Variants in ANK1 observed in about 807,000 individuals in gnomAD.
ANK1 encodes the protein ankyrin-1.
In ANK1, 51 loss-of-function variants were observed where a neutral mutation model predicts 210.4. The ratio of observed to expected loss-of-function variants is 0.24; its 90% CI spans 0.19 to 0.31. The LOEUF is 0.31. Among genes scored for constraint, ANK1 ranks in the 10% least tolerant of loss-of-function variants. The pLI is 1.00. For synonymous variants in ANK1, 967 were observed against 1,025.9 expected (o/e 0.94, Z 1.10); for missense variants, 2,051 against 2,504.4 (o/e 0.82, Z 3.86).
chr8:41,791,818 G>T (rs931537149), intron 1 of ANK1, among the ~76,000 whole-genome samples: 2 of 152,158 alleles, frequency 1.3e-5, no homozygotes, highest in Non-Finnish European at 2.9e-5. Flanking sequence ...CTGGGGGAGG[G>T]CCACAGAGGC....
chr8:41,849,756 C>G (rs1030216043), intron 1 of ANK1, among the ~76,000 whole-genome samples: 1 of 152,212 alleles, frequency 6.6e-6, no homozygotes, highest in South Asian at 2.1e-4. Flanking sequence ...GTCTTTTCTA[C>G]GTGATCTCTC....
intron 38 of ANK1, 55 bp downstream of exon 38, chr8:41,672,299 T>C (rs770613694): frequency 1.1e-4 from 167 of 1,588,118 alleles, no homozygotes; most frequent in Non-Finnish European, 1.3e-4. Flanking sequence ...GGCATAATCT[T>C]ACCCAGGAGC....
At chr8:41,840,483 GAC>G (rs1435805947) in intron 1 of ANK1, 3 of 152,176 alleles carry the variant, frequency 2.0e-5, no homozygotes, top group Non-Finnish European at 4.4e-5. Context: ...TGATGGCTTA[GAC>G]AACAAACCTT....
At chr8:41,673,874 G>A (rs1029966307) in intron 37 of ANK1, among the ~76,000 whole-genome samples, 4 of 152,202 alleles carry the variant, frequency 2.6e-5, no homozygotes, top group East Asian at 1.9e-4. Flanking sequence ...AAGCAAGTAC[G>A]TGCTTACAGC....
intron 1 of ANK1, among the ~76,000 whole-genome samples, chr8:41,890,026 C>T (rs1819122560): frequency 6.6e-6 from 1 of 152,162 alleles, no homozygotes; most frequent in African/African-American, 2.4e-5. Context: ...TGGCCTTCCC[C>T]GGCAAACCTC....
At chr8:41,749,532 G>C (rs1037253814) in intron 2 of ANK1, among the ~76,000 whole-genome samples, 6 of 135,784 alleles carry the variant, frequency 4.4e-5, no homozygotes, top group African/African-American at 1.7e-4. Flanking sequence ...CATGACCTCA[G>C]GTGATCCACC....
At chr8:41,863,590 T>G (rs1383044481) in intron 1 of ANK1, among the ~76,000 whole-genome samples, 2 of 152,206 alleles carry the variant, frequency 1.3e-5, no homozygotes, top group Non-Finnish European at 2.9e-5. Flanking sequence ...TTCTCACTTA[T>G]TAGTAGTATA....
chr8:41,726,869 A>G (rs1175438693), intron 5 of ANK1, among the ~76,000 whole-genome samples: 7 of 152,228 alleles, frequency 4.6e-5, no homozygotes, highest in Non-Finnish European at 1.0e-4. Context: ...ACTCAGGACC[A>G]TAGCTAATGA....
intron 1 of ANK1, among the ~76,000 whole-genome samples, chr8:41,878,609 C>T (rs952976034): frequency 1.3e-5 from 2 of 152,124 alleles, no homozygotes; most frequent in African/African-American, 4.8e-5. Context: ...TTGCATGGCC[C>T]AGGACAAAAT....
chr8:41,677,898 T>C (rs527927045), intron 37 of ANK1, among the ~76,000 whole-genome samples: 2 of 152,172 alleles, frequency 1.3e-5, no homozygotes, highest in East Asian at 3.9e-4. Context: ...CCTTGGCTTG[T>C]GTTGTTTCTA....
chr8:41,669,545 A>G (rs1314442230), intron 38 of ANK1, among the ~76,000 whole-genome samples: 1 of 152,068 alleles, frequency 6.6e-6, no homozygotes, highest in East Asian at 1.9e-4. Flanking sequence ...AGTGCGATCC[A>G]ATCCACACTC....
At chr8:41,820,689 C>CA (rs1371002960) in intron 1 of ANK1, among the ~76,000 whole-genome samples, 1 of 152,150 alleles carries the variant, frequency 6.6e-6, no homozygotes, top group African/African-American at 2.4e-5. Context: ...GGGCTTTCCC[C>CA]ACCTTCTAGG....
chr8:41,668,787 C>T (rs1320427900), intron 38 of ANK1, among the ~76,000 whole-genome samples: 1 of 152,182 alleles, frequency 6.6e-6, no homozygotes, highest in Non-Finnish European at 1.5e-5. Context: ...TAATGCTGTC[C>T]AGGTGGAAAG....
At chr8:41,688,612 T>A (rs1448779787) in intron 33 of ANK1, 23 bp from the exon 34 acceptor site, 4 of 1,610,244 alleles carry the variant, frequency 2.5e-6, no homozygotes, top group Non-Finnish European at 3.4e-6. Flanking sequence ...AAAGGGTGCT[T>A]TGGGTTTTGG....
chr8:41,661,989 G>C (rs151009668), intron 40 of ANK1, 48 bp from the exon 41 acceptor site: 5 of 1,601,578 alleles, frequency 3.1e-6, no homozygotes, highest in Admixed American at 1.7e-5. Context: ...CCGGGCTCGG[G>C]GGCTCATGTC....
At chr8:41,695,447 G>A in intron 26 of ANK1, 116 bp from the exon 27 acceptor site, 3 of 1,432,232 alleles carry the variant, frequency 2.1e-6, no homozygotes, top group Non-Finnish European at 2.9e-6. Flanking sequence ...GCAGCCACGT[G>A]GAGGCCCCAC....
intron 1 of ANK1, among the ~76,000 whole-genome samples, chr8:41,808,787 G>A: frequency 6.6e-6 from 1 of 152,136 alleles, no homozygotes; most frequent in East Asian, 1.9e-4. Flanking sequence ...AAACGTTACA[G>A]TTAAGATTTT....
intron 2 of ANK1, among the ~76,000 whole-genome samples, chr8:41,754,513 C>T (rs1354141686): frequency 1.3e-5 from 2 of 152,176 alleles, no homozygotes; most frequent in African/African-American, 4.8e-5. Flanking sequence ...CAAAAACATA[C>T]TATTTGAAAG....
At chr8:41,777,635 C>G (rs1844362764) in intron 1 of ANK1, among the ~76,000 whole-genome samples, 1 of 151,876 alleles carries the variant, frequency 6.6e-6, no homozygotes, top group South Asian at 2.1e-4. Context: ...AACAAACAAA[C>G]AATGTTATGG....
Sources: allele counts gnomAD v4.1 joint callset (sites outside exome capture counted in the v4.1 genomes callset), GRCh38; gene constraint gnomAD v4.1.1; transcripts MANE v1.5; gene names NCBI Gene and HGNC (gene_info 2026-07-23, HGNC 2026-07-21).